Variants in NFKBIL1 observed in about 807,000 individuals in gnomAD.
NFKBIL1 encodes the protein NF-kappa-B inhibitor-like protein 1.
A neutral mutation model predicts 45.4 loss-of-function variants in NFKBIL1; 30 were observed. The ratio of observed to expected loss-of-function variants is 0.66; its 90% CI spans 0.49 to 0.90. The LOEUF (loss-of-function observed/expected upper bound fraction) is 0.90. Among genes scored for constraint, NFKBIL1 ranks in the 40% least tolerant of loss-of-function variants. NFKBIL1 has a pLI of 0.00. For missense variants in NFKBIL1, 434 were observed against 513.4 expected (o/e 0.85, Z 1.49); for synonymous variants, 179 against 197.3 (o/e 0.91, Z 0.78).
At chr6:31,547,164 A>T (rs895144802), upstream of NFKBIL1, among the ~76,000 whole-genome samples, 2 of 140,526 alleles carry the variant, frequency 1.4e-5, no homozygotes, top group Non-Finnish European at 3.1e-5. Flanking sequence ...ATCCTACGAT[A>T]GTCTTCTTCC....
At chr6:31,549,508 T>A (rs1385384343) in intron 2 of NFKBIL1, among the ~76,000 whole-genome samples, 21 of 150,080 alleles carry the variant, frequency 1.4e-4, no homozygotes, top group African/African-American at 5.2e-4. Flanking sequence ...AACCTCAGCC[T>A]CTCAAAGTGC....
chr6:31,552,576 A>G (rs150284828), intron 2 of NFKBIL1, among the ~76,000 whole-genome samples: 1 of 150,536 alleles, frequency 6.6e-6, no homozygotes, highest in East Asian at 2.0e-4. Context: ...CGTGAGCCAC[A>G]GCGCCTGGCC....
intron 2 of NFKBIL1, among the ~76,000 whole-genome samples, chr6:31,555,961 A>G (rs1769717896): frequency 6.6e-6 from 1 of 151,134 alleles, no homozygotes; most frequent in Admixed American, 6.6e-5. Flanking sequence ...GCCTGGCCAC[A>G]TCTGATCCTC....
chr6:31,547,535 C>T (rs1769117480), upstream of NFKBIL1: 3 of 486,258 alleles, frequency 6.2e-6, no homozygotes, highest in Non-Finnish European at 1.1e-5. Context: ...CCGGTAACGC[C>T]CCTCACAGTT....
In NFKBIL1 at chr6:31,557,963, G is replaced by C; in HGVS notation, c.557-59G>C. 6.7e-7 allele frequency: 1 copy of C among 1,496,570 alleles called. No individual in the cohort carries two copies. Among genetic ancestry groups the C allele is most frequent in the Non-Finnish European group, 9.0e-7 (1 of 1,110,062 alleles). The allele number at this position is 1,496,570 out of a possible 1,614,324, so 92.7% of individuals were successfully genotyped here. A position where few individuals can be genotyped will look rare whatever the true frequency, so the allele number is the denominator to read the frequency against. ...CTCCTCTGTGCTTCCCTGCTTCTTG[G>C]GGCCCATCACCTTCTCACAGCCTCT... On this transcript the variant is annotated intron_variant, in intron 3 of 3. Coordinates refer to ENST00000376148, the MANE Select transcript of NFKBIL1 (RefSeq NM_005007.4). This position sits in a 1 kb window ranked among gnomAD's most constrained non-coding sequence, Gnocchi z 5.4.
chr6:31,549,875 G>A (rs1769330953), intron 2 of NFKBIL1, among the ~76,000 whole-genome samples: 1 of 152,114 alleles, frequency 6.6e-6, no homozygotes, highest in South Asian at 2.1e-4. Flanking sequence ...CTTTGGCACT[G>A]AAGGATTCAA....
chr6:31,557,838 G>A lies in NFKBIL1; in HGVS notation c.545G>A (p.Gly182Glu). The A allele has an allele frequency of 1.9e-6, 3 of 1,596,698 alleles. No individual in the cohort carries two copies. In the South Asian group the frequency reaches 3.4e-5, roughly 18 times the overall value. ...ELEDEWQEVM[G>E]RFEGDASHET... ...GAGGACGAGTGGCAGGAAGTCATGG[G>A]GAGGTTTGAAGGTGAGAAGTCCACT... The change falls in exon 3 of 4, where the codon GGG becomes GAG. Residue 182 changes from glycine (G) to glutamate (E), a missense_variant. Gly to Glu is a moderately conservative substitution (Grantham distance 98, BLOSUM62 -2). Coordinates refer to ENST00000376148, the MANE Select transcript of NFKBIL1 (RefSeq NM_005007.4). This position sits in a 1 kb window ranked among gnomAD's most constrained non-coding sequence, Gnocchi z 5.4.
Position 31,557,683 on chromosome 6 carries a change from A to G in NFKBIL1, c.390A>G (p.Ile130Met), listed in dbSNP as rs756356865. ...GCCGCTGTCCCTCCGCCATGGGAAT[A>G]AAGAATAAGGATGGGGAGACCCCTG... ...LLSRCPSAMGIKNKDGETPGQ... is the reference protein window; with the variant it reads ...LLSRCPSAMGMKNKDGETPGQ... Residue 130 changes from isoleucine to methionine, a missense_variant, in exon 3 of 4, where the codon ATA becomes ATG. Ile to Met is a conservative substitution (Grantham distance 10). Around this residue, in one of 4 missense-constraint regions of NFKBIL1, gnomAD observed 231 missense variants for 264.1 expected, o/e 0.87. Transcript: ENST00000376148. The surrounding 1 kb of genome is among the most constrained non-coding windows in gnomAD (Gnocchi z 5.4). 3 of 1,585,648 alleles carry G rather than the reference A, an allele frequency of 1.9e-6. No individual in the cohort carries two copies. Among genetic ancestry groups the G allele is most frequent in the Non-Finnish European group, 2.6e-6 (3 of 1,162,034 alleles).
chr6:31,557,980 A>G lies in NFKBIL1; in HGVS notation c.557-42A>G. ...GCTTCTTGGGGCCCATCACCTTCTC[A>G]CAGCCTCTCTCCAACTACCCCCATC... On this transcript the variant is annotated intron_variant, in intron 3 of 3. Transcript: ENST00000376148. The surrounding 1 kb of genome is among the most constrained non-coding windows in gnomAD (Gnocchi z 5.4). The G allele has an allele frequency of 6.6e-7, 1 of 1,516,460 alleles. No homozygotes were observed. Among genetic ancestry groups the G allele is most frequent in the Non-Finnish European group, 8.9e-7 (1 of 1,122,516 alleles). 93.9% of individuals were successfully genotyped at this position (1,516,460 alleles called of 1,614,324 possible). A position where few individuals can be genotyped will look rare whatever the true frequency, so the allele number is the denominator to read the frequency against.
At chr6:31,548,748 G>C (rs1397125029) in intron 2 of NFKBIL1, among the ~76,000 whole-genome samples, 2 of 152,218 alleles carry the variant, frequency 1.3e-5, no homozygotes, top group African/African-American at 2.4e-5. Context: ...TCTGGAGTTA[G>C]ATTGCCTGGA....
At position 31,557,799 on chromosome 6, in the gene NFKBIL1, T is replaced by A; in HGVS notation, c.506T>A (p.Leu169His). 1 of 1,610,088 alleles carries A rather than the reference T, an allele frequency of 6.2e-7. No individual in the cohort carries two copies. Among genetic ancestry groups the A allele is most frequent in the Non-Finnish European group, 8.5e-7 (1 of 1,177,236 alleles). ...ASKEREWRQK[L>H]QGELEDEWQE... is the part of the protein sequence containing the mutation. ...AAGGAGCGGGAATGGAGACAGAAGC[T>A]CCAGGGTGAGCTGGAGGACGAGTGG... The change falls in exon 3 of 4, where the codon CTC (leucine) becomes CAC (histidine). Residue 169 changes from leucine to histidine, a missense_variant. This residue lies in a region of NFKBIL1 where 231 missense variants were observed against 264.1 expected (regional missense o/e 0.87). Coordinates refer to ENST00000376148, the MANE Select transcript of NFKBIL1 (RefSeq NM_005007.4). The surrounding 1 kb of genome is among the most constrained non-coding windows in gnomAD (Gnocchi z 5.4).
Position 31,558,741 on chromosome 6 carries a change from A to T in NFKBIL1, c.*130A>T. ...AGCAGAGGATATGGGTGGGAGCGAA[A>T]GTTGTAACAAGTGGGGGTGGGGGGT... is the stretch of plus-strand genomic sequence containing the variant. On this transcript the variant is annotated 3_prime_UTR_variant, in exon 4 of 4. Coordinates refer to ENST00000376148, the MANE Select transcript of NFKBIL1 (RefSeq NM_005007.4). The surrounding 1 kb of genome is among the most constrained non-coding windows in gnomAD (Gnocchi z 7.2). 41 of 638,604 alleles carry T rather than the reference A, an allele frequency of 6.4e-5. No individual in the cohort carries two copies. The highest frequency in any genetic ancestry group is 8.1e-5 in the Non-Finnish European group (32 of 397,040). 39.6% of individuals were successfully genotyped at this position (638,604 alleles called of 1,614,324 possible).
rs1486503007 is a variant in NFKBIL1, at chr6:31,558,363, G to A, written c.898G>A (p.Val300Met). 6.5e-7 allele frequency: 1 copy of A among 1,549,950 alleles called. No individual in the cohort carries two copies. Among genetic ancestry groups the A allele is most frequent in the Non-Finnish European group, 8.7e-7 (1 of 1,144,670 alleles). The change falls in exon 4 of 4, where the codon GTG (valine) becomes ATG (methionine). Residue 300 changes from valine (V) to methionine (M), a missense_variant. Val to Met is a conservative substitution (Grantham distance 21). Around this residue, in one of 4 missense-constraint regions of NFKBIL1, gnomAD observed 128 missense variants for 106.5 expected, o/e 1.20. Coordinates refer to ENST00000376148, the MANE Select transcript of NFKBIL1 (RefSeq NM_005007.4). The surrounding 1 kb of genome is among the most constrained non-coding windows in gnomAD (Gnocchi z 7.2). The part of the protein sequence containing the change: ...GRGSLWRFGD[V>M]PWPCPGGGDP... ...GGGCAGCCTCTGGCGATTTGGTGAT[G>A]TGCCCTGGCCCTGCCCTGGGGGAGG... is the stretch of plus-strand genomic sequence containing the variant.
In NFKBIL1 at chr6:31,547,631, CTT is replaced by C; in HGVS notation, c.-63_-62del. On this transcript the variant is annotated 5_prime_UTR_variant, in exon 1 of 4. Transcript: ENST00000376148. ...GCCCTTCCCGCCTCCCGTCTCCGAGCTTCTTAAACACAGGCCTTGGGCCTACG... is the reference window on the plus strand; with the variant it reads ...GCCCTTCCCGCCTCCCGTCTCCGAGCCTTAAACACAGGCCTTGGGCCTACG... 1 of 1,230,498 alleles carries C rather than the reference CTT, an allele frequency of 8.1e-7. No homozygotes were observed. 76.2% of individuals were successfully genotyped at this position (1,230,498 alleles called of 1,614,324 possible).
chr6:31,549,575 A>G (rs1376221409), intron 2 of NFKBIL1, among the ~76,000 whole-genome samples: 1 of 151,242 alleles, frequency 6.6e-6, no homozygotes, highest in Non-Finnish European at 1.5e-5. Context: ...TGTTATCAAC[A>G]GGTCCATACT....
intron 2 of NFKBIL1, 43 bp downstream of exon 2, chr6:31,548,482 A>G: frequency 6.9e-7 from 1 of 1,447,352 alleles, no homozygotes; most frequent in South Asian, 1.5e-5. Context: ...GCAGCTGACC[A>G]GACCTGAAAT....
At chr6:31,549,894 C>A (rs1401437845) in intron 2 of NFKBIL1, among the ~76,000 whole-genome samples, 1 of 151,976 alleles carries the variant, frequency 6.6e-6, no homozygotes, top group African/African-American at 2.4e-5. Flanking sequence ...AAATGGGGAA[C>A]CTGGTGATAT....
intron 2 of NFKBIL1, among the ~76,000 whole-genome samples, chr6:31,554,402 G>T (rs1769601458): frequency 6.6e-6 from 1 of 151,130 alleles, no homozygotes. Flanking sequence ...AACAGGGTGA[G>T]ACCTTGTCTC....
At chr6:31,556,329 C>G (rs1249622472) in intron 2 of NFKBIL1, among the ~76,000 whole-genome samples, 1 of 152,178 alleles carries the variant, frequency 6.6e-6, no homozygotes, top group Admixed American at 6.5e-5. Context: ...CTTGCCTTCC[C>G]CTATTCCAGC....
Sources: gnomAD v4.1 joint callset for allele counts (sites outside exome capture counted in the v4.1 genomes callset) on GRCh38, gnomAD v4.1.1 for gene constraint, gnomAD v4.1.1 regional missense constraint, Gnocchi (gnomAD v3.1) non-coding constraint, MANE v1.5 for transcripts, NCBI Gene and HGNC (gene_info 2026-07-23, HGNC 2026-07-21) for gene names.